PPARA: variants seen among roughly 807,000 people sequenced by gnomAD.
PPARA encodes the protein peroxisome proliferator-activated receptor alpha.
PPARA carries 22 observed loss-of-function variants against 42.2 expected under a neutral mutation model. The ratio of observed to expected loss-of-function variants is 0.52; its 90% confidence interval spans 0.37 to 0.74. The LOEUF is 0.74. Among genes scored for constraint, PPARA ranks in the 30% least tolerant of loss-of-function variants. The pLI is 0.00. For synonymous variants in PPARA, 242 were observed against 239.3 expected (o/e 1.01, Z -0.10); for missense variants, 465 against 608.2 (o/e 0.76, Z 2.48).
rs987366576 is a variant in PPARA, at chr22:46,193,916, T to C, written c.-42-4426T>C. On this transcript the variant is annotated intron_variant, in intron 3 of 8. Transcript: ENST00000407236. This position sits in a 1 kb window ranked among gnomAD's most constrained non-coding sequence, Gnocchi z 5.3. Reference sequence around the variant, plus strand: ...GATCCCCCCCAGAGCATTTGGGGCATAGGACACGGGAACTGGCCAGCCTGG... The same window carrying C: ...GATCCCCCCCAGAGCATTTGGGGCACAGGACACGGGAACTGGCCAGCCTGG... Among the ~76,000 whole-genome samples the C allele has an allele frequency of 6.6e-6, 1 of 152,210 alleles. No homozygotes were observed. Among genetic ancestry groups the C allele is most frequent in the Non-Finnish European group, 1.5e-5 (1 of 68,044 alleles).
chr22:46,217,337 G>C (rs1203590318), intron 5 of PPARA, among the ~76,000 whole-genome samples: 1 of 152,162 alleles, frequency 6.6e-6, no homozygotes, highest in East Asian at 1.9e-4. Context: ...GAACTCCTTC[G>C]CATGTTTTCT....
intron 2 of PPARA, among the ~76,000 whole-genome samples, chr22:46,176,481 G>T (rs757145353): frequency 1.3e-5 from 2 of 152,076 alleles, no homozygotes; most frequent in Non-Finnish European, 2.9e-5. Flanking sequence ...GTGAGACTCC[G>T]TATCAGTACT....
intron 2 of PPARA, among the ~76,000 whole-genome samples, chr22:46,170,036 A>T (rs1231267247): frequency 6.6e-6 from 1 of 152,008 alleles, no homozygotes; most frequent in African/African-American, 2.4e-5. Flanking sequence ...TTTTAACAAG[A>T]AAATTCAGTT....
In PPARA at chr22:46,238,828, CTG is replaced by C. The variant is rs983469493; in HGVS notation, c.*3451_*3452del. 1 of 151,698 alleles carries C rather than the reference CTG, an allele frequency of 6.6e-6. No individual in the cohort carries two copies. The highest frequency in any genetic ancestry group is 1.5e-5 in the Non-Finnish European group (1 of 68,060). 9.4% of individuals were successfully genotyped at this position (151,698 alleles called of 1,614,324 possible). On this transcript the variant is annotated 3_prime_UTR_variant, in exon 9 of 9. Coordinates refer to ENST00000407236, the MANE Select transcript of PPARA (RefSeq NM_005036.6). This position sits in a 1 kb window ranked among gnomAD's most constrained non-coding sequence, Gnocchi z 8.3. ...CACCACACTTCCAGAGACCGGAGAA[CTG>C]TGCAGGGCCTAAGGCCGTTTGGATG... is the stretch of plus-strand genomic sequence containing the variant.
rs915701498 is a variant in PPARA at position 46,165,658 on chromosome 22, A to G, written c.-126-11095A>G. 6.6e-6 allele frequency among the ~76,000 whole-genome samples: 1 copy of G among 152,232 alleles called. No individual in the cohort carries two copies. The highest frequency in any genetic ancestry group is 2.4e-5 in the African/African-American group (1 of 41,452). On this transcript the variant is annotated intron_variant, in intron 2 of 8. Coordinates refer to ENST00000407236, the MANE Select transcript of PPARA (RefSeq NM_005036.6). This position sits in a 1 kb window ranked among gnomAD's most constrained non-coding sequence, Gnocchi z 5.5. ...AGTACAGGTGACCTGGAAACGGATC[A>G]GCGTAATCGAGGACTGAAGTCCAGT...
Position 46,221,879 on chromosome 22 carries a change from C to T in PPARA, c.711+1865C>T, listed in dbSNP as rs56314142. ...TCACTTGAGGTCAGGAGTTTGAGAC[C>T]ACCCTGGCCAACATGGTGAAACCCC... On this transcript the variant is annotated intron_variant, in intron 7 of 8. Coordinates refer to ENST00000407236, the MANE Select transcript of PPARA (RefSeq NM_005036.6). The surrounding 1 kb of genome is among the most constrained non-coding windows in gnomAD (Gnocchi z 5.9). 3.2e-3 allele frequency among the ~76,000 whole-genome samples: 485 copies of T among 152,068 alleles called. 2 individuals carry two copies. The highest frequency in any genetic ancestry group is 0.011 in the African/African-American group (458 of 41,470).
chr22:46,190,731 C>T lies in PPARA; in HGVS notation c.-42-7611C>T, dbSNP rs1638904891. Among the ~76,000 whole-genome samples the T allele has an allele frequency of 6.6e-6, 1 of 152,118 alleles. No homozygotes were observed. The highest frequency in any genetic ancestry group is 2.1e-4 in the South Asian group (1 of 4,826). On this transcript the variant is annotated intron_variant, in intron 3 of 8. Coordinates refer to ENST00000407236, the MANE Select transcript of PPARA (RefSeq NM_005036.6). The surrounding 1 kb of genome is among the most constrained non-coding windows in gnomAD (Gnocchi z 5.6). ...TGCCATTGCACTCCAGCCTGAGTGACAGAGAGAGACTCTGTCTCAAAAATA... is the reference window on the plus strand; with the variant it reads ...TGCCATTGCACTCCAGCCTGAGTGATAGAGAGAGACTCTGTCTCAAAAATA...
chr22:46,160,399 C>A lies in PPARA; in HGVS notation c.-127+8429C>A, dbSNP rs975169202. On this transcript the variant is annotated intron_variant, in intron 2 of 8. Transcript: ENST00000407236. The surrounding 1 kb of genome is among the most constrained non-coding windows in gnomAD (Gnocchi z 4.5). ...GCAATCTCTGCCTCCTGGGTTCAAG[C>A]GATTCTCCTGCCTCAGCCTCCTACA... Among the ~76,000 whole-genome samples the A allele has an allele frequency of 6.6e-6, 1 of 152,026 alleles. No homozygotes were observed. The highest frequency in any genetic ancestry group is 1.5e-5 in the Non-Finnish European group (1 of 67,986).
In PPARA at chr22:46,235,052, G is replaced by A; in HGVS notation, c.1160-81G>A. 1 of 1,579,394 alleles carries A rather than the reference G, an allele frequency of 6.3e-7. No homozygotes were observed. Among genetic ancestry groups the A allele is most frequent in the Non-Finnish European group, 8.7e-7 (1 of 1,149,156 alleles). On this transcript the variant is annotated intron_variant, in intron 8 of 8. Transcript: ENST00000407236. This position sits in a 1 kb window ranked among gnomAD's most constrained non-coding sequence, Gnocchi z 7.0. Reference sequence around the variant, plus strand: ...TTTCTAAGAAAGGCCACATAAAATAGGCATGTTTGGTTCCTGAAACTGATA... The same window carrying A: ...TTTCTAAGAAAGGCCACATAAAATAAGCATGTTTGGTTCCTGAAACTGATA...
intron 3 of PPARA, among the ~76,000 whole-genome samples, chr22:46,185,966 C>CATATATATAT (rs1411572528): frequency 1.8e-4 from 4 of 22,392 alleles, no homozygotes; most frequent in African/African-American, 3.8e-4. Context: ...TATATATATA[C>CATATATATAT]ACACACACTA....
rs1215713701 is a variant in PPARA, at chr22:46,161,263, G to A, written c.-127+9293G>A. 2.0e-5 allele frequency among the ~76,000 whole-genome samples: 3 copies of A among 152,212 alleles called. No individual in the cohort carries two copies. Among genetic ancestry groups the A allele is most frequent in the African/African-American group, 7.2e-5 (3 of 41,456 alleles). ...AAATCATTTTCTAGAAGGAATTTCA[G>A]AAGGATGTGTGCCCAATTATGGTAT... On this transcript the variant is annotated intron_variant, in intron 2 of 8. Transcript: ENST00000407236. This position sits in a 1 kb window ranked among gnomAD's most constrained non-coding sequence, Gnocchi z 4.8.
At chr22:46,175,282 C>A (rs923118830) in intron 2 of PPARA, among the ~76,000 whole-genome samples, 1 of 152,178 alleles carries the variant, frequency 6.6e-6, no homozygotes, top group Admixed American at 6.5e-5. Context: ...GACATTGATA[C>A]CATCAAGATA....
At chr22:46,220,162 T>G (rs1934886512) in intron 7 of PPARA, 148 bp downstream of exon 7, 2 of 936,592 alleles carry the variant, frequency 2.1e-6, no homozygotes, top group Admixed American at 2.0e-5. Flanking sequence ...CAGTTCATTC[T>G]GAGACTCTGA....
chr22:46,169,327 C>CTG (rs1927612579), intron 2 of PPARA, among the ~76,000 whole-genome samples: 1 of 151,922 alleles, frequency 6.6e-6, no homozygotes, highest in Non-Finnish European at 1.5e-5. Context: ...CTCCGCCTCC[C>CTG]GGGTTCACGC....
At chr22:46,154,541 C>G (rs1924962021) in intron 2 of PPARA, among the ~76,000 whole-genome samples, 1 of 151,970 alleles carries the variant, frequency 6.6e-6, no homozygotes, top group Non-Finnish European at 1.5e-5. Flanking sequence ...TCCCTTGAGC[C>G]TGAGAAGTGG....
At chr22:46,177,369 G>T (rs1482761818) in intron 3 of PPARA, among the ~76,000 whole-genome samples, 1 of 151,066 alleles carries the variant, frequency 6.6e-6, no homozygotes, top group Non-Finnish European at 1.5e-5. Flanking sequence ...AGAGGCTGAG[G>T]CAGGAGAATG....
At position 46,161,594 on chromosome 22, in the gene PPARA, G is replaced by GTAAA. The variant is rs368824490; in HGVS notation, c.-127+9641_-127+9644dup. Among the ~76,000 whole-genome samples, 194 of 152,024 alleles carry GTAAA rather than the reference G, an allele frequency of 1.3e-3. No individual in the cohort carries two copies. Among genetic ancestry groups the GTAAA allele is most frequent in the African/African-American group, 4.3e-3 (179 of 41,504 alleles). On this transcript the variant is annotated intron_variant, in intron 2 of 8. Coordinates refer to ENST00000407236, the MANE Select transcript of PPARA (RefSeq NM_005036.6). The surrounding 1 kb of genome is among the most constrained non-coding windows in gnomAD (Gnocchi z 4.8). ...CGAGACTCCATCTCAAAAATAATAA[G>GTAAA]TAAATAAATAAATAAATAAAAATTA... is the stretch of plus-strand genomic sequence containing the variant.
In PPARA at chr22:46,195,220, A is replaced by G. The variant is rs1279200800; in HGVS notation, c.-42-3122A>G. On this transcript the variant is annotated intron_variant, in intron 3 of 8. Transcript: ENST00000407236. This position sits in a 1 kb window ranked among gnomAD's most constrained non-coding sequence, Gnocchi z 4.6. ...GCCCGGCCCCAGCTACTTGCTTTCT[A>G]TTGGGATGAACCTCATGGTTAATAC... 6.6e-6 allele frequency among the ~76,000 whole-genome samples: 1 copy of G among 152,086 alleles called. No individual in the cohort carries two copies. Among genetic ancestry groups the G allele is most frequent in the Non-Finnish European group, 1.5e-5 (1 of 68,012 alleles).
At chr22:46,229,415 TG>T (rs1935711674) in intron 7 of PPARA, among the ~76,000 whole-genome samples, 5 of 151,786 alleles carry the variant, frequency 3.3e-5, no homozygotes, top group Admixed American at 6.6e-5. Flanking sequence ...TAGCTGGGCG[TG>T]GTGATGTGTG....
Sources: allele counts gnomAD v4.1 joint callset (sites outside exome capture counted in the v4.1 genomes callset), GRCh38; gene constraint gnomAD v4.1.1; non-coding constraint Gnocchi (gnomAD v3.1); transcripts MANE v1.5; gene names NCBI Gene and HGNC (gene_info 2026-07-23, HGNC 2026-07-21).